CACNB2: variants seen among roughly 807,000 people sequenced by gnomAD.
CACNB2 encodes voltage-dependent L-type calcium channel subunit beta-2.
A neutral mutation model predicts 73.3 loss-of-function variants in CACNB2; 42 were observed. That is an observed-to-expected ratio of 0.57 (90% CI 0.45 to 0.74). The LOEUF (loss-of-function observed/expected upper bound fraction) is 0.74. Among genes scored for constraint, CACNB2 ranks in the 30% least tolerant of loss-of-function variants. CACNB2 has a pLI of 0.00. For missense variants in CACNB2, 940 were observed against 853.0 expected (o/e 1.10, Z -1.27); for synonymous variants, 348 against 310.3 (o/e 1.12, Z -1.28).
chr10:18,277,218 G>A (rs2038334778), intron 2 of CACNB2, among the ~76,000 whole-genome samples: 1 of 152,214 alleles, frequency 6.6e-6, no homozygotes, highest in Non-Finnish European at 1.5e-5. Flanking sequence ...CATGGAAAAG[G>A]GAAAGAGTCA....
chr10:18,296,753 T>G (rs1425724695), intron 2 of CACNB2, among the ~76,000 whole-genome samples: 1 of 152,220 alleles, frequency 6.6e-6, no homozygotes, highest in Non-Finnish European at 1.5e-5. Flanking sequence ...TACCCTTCTT[T>G]CCTCTTTCTC....
intron 2 of CACNB2, among the ~76,000 whole-genome samples, chr10:18,221,898 A>G (rs2035807606): frequency 6.6e-6 from 1 of 152,190 alleles, no homozygotes; most frequent in East Asian, 1.9e-4. Flanking sequence ...CCTTTTGGAA[A>G]GTAGCATTGG....
chr10:18,219,040 C>A (rs1437921793), intron 2 of CACNB2, among the ~76,000 whole-genome samples: 1 of 152,060 alleles, frequency 6.6e-6, no homozygotes, highest in African/African-American at 2.4e-5. Context: ...TGGTGTGCAC[C>A]TGTGGTCCTG....
rs1489491866 is a variant in CACNB2, at chr10:18,289,284, G to GTTTTTTTTTTTTTTTTTTTTT, written c.214-112633_214-112632insTTTTTTTTTTTTTTTTTTTTT. Among the ~76,000 whole-genome samples the GTTTTTTTTTTTTTTTTTTTTT allele has an allele frequency of 8.2e-5, 7 of 85,568 alleles. 1 individual carries two copies. Among genetic ancestry groups the GTTTTTTTTTTTTTTTTTTTTT allele is most frequent in the African/African-American group, 1.8e-4 (3 of 17,138 alleles). 56.1% of individuals were successfully genotyped at this position (85,568 alleles called of 152,430 possible). On this transcript the variant is annotated intron_variant, in intron 2 of 13. Coordinates refer to ENST00000324631, the MANE Select transcript of CACNB2 (RefSeq NM_201596.3). ...GAAGTTGTCTTCATTTTTTTTTCTTGTTTTTTTGTTTTGTTTTTTTTTTTT... is the reference window on the plus strand; with the variant it reads ...GAAGTTGTCTTCATTTTTTTTTCTTGTTTTTTTTTTTTTTTTTTTTTTTTTTTTGTTTTGTTTTTTTTTTTT...
chr10:18,333,170 C>A (rs1354347870), intron 2 of CACNB2, among the ~76,000 whole-genome samples: 1 of 152,154 alleles, frequency 6.6e-6, no homozygotes, highest in African/African-American at 2.4e-5. Context: ...AAGTCCTTTT[C>A]AGTTTTTGCA....
chr10:18,175,381 C>T (rs761251683), intron 2 of CACNB2, among the ~76,000 whole-genome samples: 4 of 152,230 alleles, frequency 2.6e-5, no homozygotes, highest in East Asian at 1.9e-4. Context: ...TTTACTTTGT[C>T]GCATATAAAA....
intron 3 of CACNB2, among the ~76,000 whole-genome samples, chr10:18,483,744 A>G (rs2048914285): frequency 6.6e-6 from 1 of 152,202 alleles, no homozygotes; most frequent in Non-Finnish European, 1.5e-5. Flanking sequence ...TGTACTTTGT[A>G]AAGGCTTTCC....
chr10:18,416,409 A>G (rs1047778340), intron 3 of CACNB2, among the ~76,000 whole-genome samples: 1 of 152,024 alleles, frequency 6.6e-6, no homozygotes, highest in Non-Finnish European at 1.5e-5. Flanking sequence ...TAATGCTATA[A>G]AGTTTTGTTT....
At chr10:18,274,105 G>C (rs369703743) in intron 2 of CACNB2, among the ~76,000 whole-genome samples, 1 of 152,076 alleles carries the variant, frequency 6.6e-6, no homozygotes, top group African/African-American at 2.4e-5. Context: ...GAAATAAGTC[G>C]GATGTCCTGG....
intron 2 of CACNB2, among the ~76,000 whole-genome samples, chr10:18,373,217 A>G (rs2042661222): frequency 6.6e-6 from 1 of 152,198 alleles, no homozygotes. Context: ...TGTTAGAGGC[A>G]GAAACTTACC....
chr10:18,433,844 A>G (rs2046003195), intron 3 of CACNB2, among the ~76,000 whole-genome samples: 1 of 151,724 alleles, frequency 6.6e-6, no homozygotes, highest in African/African-American at 2.4e-5. Context: ...CCTTTTTTCT[A>G]CCATCAAAAC....
chr10:18,272,655 C>T (rs991259055), intron 2 of CACNB2, among the ~76,000 whole-genome samples: 1 of 146,288 alleles, frequency 6.8e-6, no homozygotes, highest in African/African-American at 2.5e-5. Flanking sequence ...ACAAGTCTTA[C>T]AATATCTGAT....
chr10:18,462,204 A>T (rs573425007), intron 3 of CACNB2, among the ~76,000 whole-genome samples: 1 of 152,320 alleles, frequency 6.6e-6, no homozygotes, highest in South Asian at 2.1e-4. Context: ...GCTGTCTAAA[A>T]ACAGAAATAG....
chr10:18,147,306 T>G (rs2031084228), intron 1 of CACNB2, among the ~76,000 whole-genome samples: 1 of 152,270 alleles, frequency 6.6e-6, no homozygotes, highest in African/African-American at 2.4e-5. Flanking sequence ...TTTTGGAAAT[T>G]TCTTAAGAAT....
At chr10:18,491,776 C>A (rs11014494) in intron 3 of CACNB2, among the ~76,000 whole-genome samples, 69,796 of 135,740 alleles carry the variant, frequency 0.51, 17,201 homozygotes, top group East Asian at 0.73. Flanking sequence ...GATAAAAATT[C>A]AATGATTCCG....
At chr10:18,493,642 A>G (rs1026274690) in intron 3 of CACNB2, among the ~76,000 whole-genome samples, 1 of 152,160 alleles carries the variant, frequency 6.6e-6, no homozygotes, top group Non-Finnish European at 1.5e-5. Context: ...TGTTTTAGCC[A>G]TGTGAACTTA....
chr10:18,390,426 C>A (rs541790471), intron 2 of CACNB2, among the ~76,000 whole-genome samples: 46 of 152,300 alleles, frequency 3.0e-4, no homozygotes, highest in African/African-American at 1.1e-3. Context: ...ATTGGCCAGG[C>A]TGGTCTCGAA....
intron 1 of CACNB2, among the ~76,000 whole-genome samples, chr10:18,142,847 G>A (rs951567133): frequency 6.6e-6 from 1 of 152,210 alleles, no homozygotes; most frequent in Non-Finnish European, 1.5e-5. Flanking sequence ...ATGTATAGGG[G>A]CTGGAAGAGA....
chr10:18,142,137 C>G (rs911456011), intron 1 of CACNB2, among the ~76,000 whole-genome samples: 15 of 152,166 alleles, frequency 9.9e-5, no homozygotes, highest in Non-Finnish European at 2.9e-5. Context: ...CATGGCAGTT[C>G]CAAGTGGCAT....
Sources: gnomAD v4.1 joint callset for allele counts (sites outside exome capture counted in the v4.1 genomes callset) on GRCh38, gnomAD v4.1.1 for gene constraint, MANE v1.5 for transcripts, NCBI Gene and HGNC (gene_info 2026-07-23, HGNC 2026-07-21) for gene names.